PRMT1: variants seen among roughly 807,000 people sequenced by gnomAD.
The protein encoded by PRMT1 is protein arginine N-methyltransferase 1.
PRMT1 carries 5 observed loss-of-function variants against 47.4 expected under a neutral mutation model. The ratio of observed to expected loss-of-function variants is 0.11; its 90% CI spans 0.06 to 0.22. The LOEUF (loss-of-function observed/expected upper bound fraction) is 0.22, where lower values mean the gene tolerates loss of function less well. Among genes scored for constraint, PRMT1 ranks in the 10% least tolerant of loss-of-function variants. PRMT1 has a pLI of 1.00. For missense variants in PRMT1, 249 were observed against 518.4 expected (o/e 0.48, Z 5.05); for synonymous variants, 227 against 204.6 (o/e 1.11, Z -0.94).
chr19:49,686,337 A>AC (rs765557817), intron 9 of PRMT1, 94 bp downstream of exon 9: 1 of 1,451,354 alleles, frequency 6.9e-7, no homozygotes. Context: ...GGCAGAAGGA[A>AC]CCATGGGGAC....
chr19:49,677,975 A>G (rs1366750423), intron 1 of PRMT1, among the ~76,000 whole-genome samples: 1 of 151,822 alleles, frequency 6.6e-6, no homozygotes, highest in Non-Finnish European at 1.5e-5. Context: ...CCCCTCGCCC[A>G]GGGCTTTAGG....
In PRMT1 at chr19:49,688,327, T is replaced by A; in HGVS notation, c.*82T>A. The A allele has an allele frequency of 1.6e-6, 2 of 1,278,586 alleles. No individual in the cohort carries two copies. The highest frequency in any genetic ancestry group is 2.3e-6 in the Non-Finnish European group (2 of 886,852). 79.2% of individuals were successfully genotyped at this position (1,278,586 alleles called of 1,614,324 possible). A position where few individuals can be genotyped will look rare whatever the true frequency, so the allele number is the denominator to read the frequency against. On this transcript the variant is annotated 3_prime_UTR_variant, in exon 11 of 11. Transcript: ENST00000454376. This position sits in a 1 kb window ranked among gnomAD's most constrained non-coding sequence, Gnocchi z 5.3. ...GGGGCTCCCCCTTCCTCTCCCTCCC[T>A]CCCGCAGAAGGGGGTTTTAGGGGCC... is the stretch of plus-strand genomic sequence containing the variant.
rs764421303 is a variant in PRMT1 at position 49,684,100 on chromosome 19, C to T, written c.555+31C>T. The T allele has an allele frequency of 2.9e-5, 47 of 1,612,004 alleles. No individual in the cohort carries two copies. Among genetic ancestry groups the T allele is most frequent in the Non-Finnish European group, 3.7e-5 (44 of 1,178,546 alleles). On this transcript the variant is annotated intron_variant, in intron 6 of 10. Transcript: ENST00000454376. The surrounding 1 kb of genome is among the most constrained non-coding windows in gnomAD (Gnocchi z 6.2). ...GCCCCAGCGGGACGGGTGCAGCTCG[C>T]GTGGGCTGGGGTCCAGGTAGAAGAC...
rs2082173229 is a variant in PRMT1, at chr19:49,684,425, G to T, written c.556-329G>T. 6.6e-6 allele frequency among the ~76,000 whole-genome samples: 1 copy of T among 152,076 alleles called. No homozygotes were observed. The highest frequency in any genetic ancestry group is 6.5e-5 in the Admixed American group (1 of 15,276). ...GCAGGGAGGCCCGTGTGGAAGGAGG[G>T]TCTAGAACGGCAGCAGGAGGAGGAG... On this transcript the variant is annotated intron_variant, in intron 6 of 10. Transcript: ENST00000454376. This position sits in a 1 kb window ranked among gnomAD's most constrained non-coding sequence, Gnocchi z 6.2.
intron 1 of PRMT1, 199 bp downstream of exon 1, chr19:49,677,515 C>G: frequency 2.3e-6 from 1 of 428,720 alleles, no homozygotes. Context: ...CGGCATCCGG[C>G]CTAGCGGAGG....
intron 1 of PRMT1, among the ~76,000 whole-genome samples, chr19:49,679,220 A>G (rs2082079941): frequency 6.6e-6 from 1 of 152,152 alleles, no homozygotes; most frequent in African/African-American, 2.4e-5. Context: ...TAGAGGGTCC[A>G]GGAGCTGCCC....
chr19:49,677,113 A>T, upstream of PRMT1: 2 of 521,892 alleles, frequency 3.8e-6, no homozygotes, highest in Non-Finnish European at 6.0e-6. Context: ...CGTATTCTCT[A>T]GCCAATTACT....
Position 49,680,044 on chromosome 19 carries a change from C to T in PRMT1, c.90+119C>T. On this transcript the variant is annotated intron_variant, in intron 2 of 10. Coordinates refer to ENST00000454376, the MANE Select transcript of PRMT1 (RefSeq NM_001536.6). The surrounding 1 kb of genome is among the most constrained non-coding windows in gnomAD (Gnocchi z 4.2). ...CCCTCTTGCTTCAAACCAGTTTACC[C>T]CAGGCCCCCAGACACTTAGTAGCAA... 8.2e-7 allele frequency: 1 copy of T among 1,222,780 alleles called. No individual in the cohort carries two copies. Among genetic ancestry groups the T allele is most frequent in the Non-Finnish European group, 1.2e-6 (1 of 850,288 alleles). The allele number at this position is 1,222,780 out of a possible 1,614,324, so 75.7% of individuals were successfully genotyped here. A position where few individuals can be genotyped will look rare whatever the true frequency, so the allele number is the denominator to read the frequency against.
chr19:49,682,434 G>T (rs2082132942), intron 5 of PRMT1, among the ~76,000 whole-genome samples, 175 bp downstream of exon 5: 2 of 152,172 alleles, frequency 1.3e-5, no homozygotes, highest in African/African-American at 4.8e-5. Flanking sequence ...CACAGGCTTA[G>T]CACCGCAGTC....
Position 49,680,429 on chromosome 19 carries a change from T to A in PRMT1, c.91-58T>A. On this transcript the variant is annotated intron_variant, in intron 2 of 10. Coordinates refer to ENST00000454376, the MANE Select transcript of PRMT1 (RefSeq NM_001536.6). This position sits in a 1 kb window ranked among gnomAD's most constrained non-coding sequence, Gnocchi z 4.2. Reference sequence around the variant, plus strand: ...CAGGGAAAAGTAGGGCGCTGGAGGTTTAAGAGGCTGTGGGGAGCCCCCAGA... The same window carrying A: ...CAGGGAAAAGTAGGGCGCTGGAGGTATAAGAGGCTGTGGGGAGCCCCCAGA... The A allele has an allele frequency of 7.1e-7, 1 of 1,414,464 alleles. No individual in the cohort carries two copies. The highest frequency in any genetic ancestry group is 1.0e-6 in the Non-Finnish European group (1 of 999,048). The allele number at this position is 1,414,464 out of a possible 1,614,324, so 87.6% of individuals were successfully genotyped here. A position where few individuals can be genotyped will look rare whatever the true frequency, so the allele number is the denominator to read the frequency against.
chr19:49,685,404 TC>T lies in PRMT1; in HGVS notation c.759+370del. ...GCTGGGCTCCGAGATGTGCCTGAGG[TC>T]CCAGCTACTCGGGAGGATCACTTGG... is the stretch of plus-strand genomic sequence containing the variant. On this transcript the variant is annotated intron_variant, in intron 8 of 10. Transcript: ENST00000454376. This position sits in a 1 kb window ranked among gnomAD's most constrained non-coding sequence, Gnocchi z 4.7. 8.3e-7 allele frequency: 1 copy of T among 1,209,188 alleles called. No individual in the cohort carries two copies. Among genetic ancestry groups the T allele is most frequent in the Non-Finnish European group, 1.0e-6 (1 of 959,596 alleles). The allele number at this position is 1,209,188 out of a possible 1,614,324, so 74.9% of individuals were successfully genotyped here. A position where few individuals can be genotyped will look rare whatever the true frequency, so the allele number is the denominator to read the frequency against.
chr19:49,686,510 G>C, intron 9 of PRMT1, 95 bp from the exon 10 acceptor site: 1 of 1,363,724 alleles, frequency 7.3e-7, no homozygotes, highest in Non-Finnish European at 9.9e-7. Context: ...AGTCCCATCA[G>C]CTGTCATGGG....
At position 49,686,233 on chromosome 19, in the gene PRMT1, C is replaced by G; in HGVS notation, c.900C>G (p.Gly300=). ...IEFTRCHKRT[G]FSTSPESPYT... Reference sequence around the variant, plus strand: ...TCACACGCTGCCACAAGAGGACCGGCTTCTCCACCAGTGAGGCGGGGCCCA... The same window carrying G: ...TCACACGCTGCCACAAGAGGACCGGGTTCTCCACCAGTGAGGCGGGGCCCA... Residue 300 remains glycine, a synonymous_variant, in exon 9 of 11, where the codon GGC becomes GGG. Coordinates refer to ENST00000454376, the MANE Select transcript of PRMT1 (RefSeq NM_001536.6). 1 of 1,603,150 alleles carries G rather than the reference C, an allele frequency of 6.2e-7. No individual in the cohort carries two copies. Among genetic ancestry groups the G allele is most frequent in the Non-Finnish European group, 8.5e-7 (1 of 1,174,900 alleles).
chr19:49,685,505 G>GTTTTT lies in PRMT1; in HGVS notation c.759+470_759+474dup. On this transcript the variant is annotated intron_variant, in intron 8 of 10. Coordinates refer to ENST00000454376, the MANE Select transcript of PRMT1 (RefSeq NM_001536.6). The surrounding 1 kb of genome is among the most constrained non-coding windows in gnomAD (Gnocchi z 4.7). The stretch of plus-strand genomic sequence containing the variant: ...AGCTTTGGTGACAATGTTTTGTTTT[G>GTTTTT]TTTTTTCCTTTTGTTTTTTTTTACT... The GTTTTT allele has an allele frequency of 2.0e-6, 2 of 1,015,816 alleles. No homozygotes were observed. The highest frequency in any genetic ancestry group is 2.4e-6 in the Non-Finnish European group (2 of 848,556). 62.9% of individuals were successfully genotyped at this position (1,015,816 alleles called of 1,614,324 possible).
rs2082188602 is a variant in PRMT1, at chr19:49,685,303, G to T, written c.759+266G>T. 8 of 1,387,452 alleles carry T rather than the reference G, an allele frequency of 5.8e-6. No individual in the cohort carries two copies. Among genetic ancestry groups the T allele is most frequent in the Non-Finnish European group, 7.5e-6 (8 of 1,066,062 alleles). 85.9% of individuals were successfully genotyped at this position (1,387,452 alleles called of 1,614,324 possible). ...CTGGCAGCTAAAGCCCACAGCCCAT[G>T]CACGGAAAGGCAGGACCCCAGGGCG... On this transcript the variant is annotated intron_variant, in intron 8 of 10. Transcript: ENST00000454376. The surrounding 1 kb of genome is among the most constrained non-coding windows in gnomAD (Gnocchi z 4.7).
intron 1 of PRMT1, chr19:49,679,555 CGGT>C (rs745969120): frequency 1.5e-5 from 10 of 645,704 alleles, no homozygotes; most frequent in African/African-American, 3.5e-5. Flanking sequence ...CGACAGCTGG[CGGT>C]GGTGGGTGCC....
intron 10 of PRMT1, among the ~76,000 whole-genome samples, chr19:49,687,412 G>A (rs954847024): frequency 2.0e-5 from 3 of 152,038 alleles, no homozygotes; most frequent in Non-Finnish European, 2.9e-5. Flanking sequence ...GCGAGGGTGG[G>A]TGGCACTCAG....
At chr19:49,683,656 C>T (rs1451827834) in intron 5 of PRMT1, 2 of 351,102 alleles carry the variant, frequency 5.7e-6, no homozygotes, top group Non-Finnish European at 1.1e-5. Context: ...CCACTGCACT[C>T]CAGCCTGGGT....
In PRMT1 at chr19:49,684,126, GA is replaced by G; in HGVS notation, c.555+61del. ...GTGGGCTGGGGTCCAGGTAGAAGAC[GA>G]AAACCACGCTCAATTTTTCCCACAG... On this transcript the variant is annotated intron_variant, in intron 6 of 10. Transcript: ENST00000454376. The surrounding 1 kb of genome is among the most constrained non-coding windows in gnomAD (Gnocchi z 6.2). 1 of 1,600,802 alleles carries G rather than the reference GA, an allele frequency of 6.2e-7. No homozygotes were observed. Among genetic ancestry groups the G allele is most frequent in the South Asian group, 1.1e-5 (1 of 90,296 alleles).
Sources: allele counts gnomAD v4.1 joint callset (sites outside exome capture counted in the v4.1 genomes callset), GRCh38; gene constraint gnomAD v4.1.1; non-coding constraint Gnocchi (gnomAD v3.1); transcripts MANE v1.5; gene names NCBI Gene and HGNC (gene_info 2026-07-23, HGNC 2026-07-21).